Variants in CYRIB observed in about 807,000 individuals in gnomAD.
The protein encoded by CYRIB is CYFIP-related Rac1 interactor B.
A neutral mutation model predicts 44.2 loss-of-function variants in CYRIB; 8 were observed. That is an observed-to-expected ratio of 0.18 (90% CI 0.11 to 0.33). The LOEUF is 0.33. Among genes scored for constraint, CYRIB ranks in the 10% least tolerant of loss-of-function variants. CYRIB has a pLI of 1.00. For missense variants in CYRIB, 185 were observed against 382.8 expected (o/e 0.48, Z 4.31); for synonymous variants, 131 against 127.2 (o/e 1.03, Z -0.20).
At chr8:129,984,153 C>T (rs2096364802) in intron 1 of CYRIB, among the ~76,000 whole-genome samples, 1 of 152,228 alleles carries the variant, frequency 6.6e-6, no homozygotes, top group African/African-American at 2.4e-5. Context: ...CTATTTAGGG[C>T]TGTGGCAAGA....
chr8:129,941,299 G>A (rs2093681353), upstream of CYRIB, among the ~76,000 whole-genome samples: 1 of 123,790 alleles, frequency 8.1e-6, no homozygotes, highest in African/African-American at 3.1e-5. Context: ...TTTTGGTGAT[G>A]GAGTCTCGCT....
chr8:129,870,223 G>A (rs1158498297), intron 4 of CYRIB, among the ~76,000 whole-genome samples: 2 of 152,080 alleles, frequency 1.3e-5, no homozygotes, highest in Non-Finnish European at 2.9e-5. Flanking sequence ...AGGAGTTCAA[G>A]ACCAGCCTCG....
chr8:130,010,816 G>C (rs1302697246), intron 1 of CYRIB, among the ~76,000 whole-genome samples: 1 of 152,188 alleles, frequency 6.6e-6, no homozygotes, highest in Non-Finnish European at 1.5e-5. Context: ...GAGAGGGTCA[G>C]GTTGGATGAT....
chr8:129,895,252 AC>A (rs768646434), intron 2 of CYRIB, among the ~76,000 whole-genome samples: 132 of 145,306 alleles, frequency 9.1e-4, no homozygotes, highest in South Asian at 1.7e-3. Context: ...ATCCTCCCCC[AC>A]CCTGGCCTCC....
intron 1 of CYRIB, among the ~76,000 whole-genome samples, chr8:129,973,433 G>T (rs1456680835): frequency 1.3e-5 from 2 of 152,232 alleles, no homozygotes; most frequent in African/African-American, 4.8e-5. Flanking sequence ...GCTTGCCAGG[G>T]TTACCCGCCT....
At chr8:130,016,857 T>C (rs377748786), upstream of CYRIB, among the ~76,000 whole-genome samples, 9 of 152,038 alleles carry the variant, frequency 5.9e-5, no homozygotes, top group Admixed American at 5.9e-4. Flanking sequence ...GCGCTGCGAT[T>C]GGGGGTCATC....
At chr8:129,909,949 G>A (rs2077130652) in intron 1 of CYRIB, among the ~76,000 whole-genome samples, 1 of 152,224 alleles carries the variant, frequency 6.6e-6, no homozygotes, top group African/African-American at 2.4e-5. Context: ...GAGACTACCA[G>A]ATCAGTTTCT....
chr8:129,913,204 C>A (rs1190695143), intron 1 of CYRIB, among the ~76,000 whole-genome samples: 1 of 152,102 alleles, frequency 6.6e-6, no homozygotes, highest in East Asian at 1.9e-4. Flanking sequence ...AACTTCTGAC[C>A]TCATGATCCA....
At chr8:129,909,410 TTC>T (rs1423628097) in intron 1 of CYRIB, among the ~76,000 whole-genome samples, 1 of 152,186 alleles carries the variant, frequency 6.6e-6, no homozygotes, top group African/African-American at 2.4e-5. Flanking sequence ...CTCTTCTAAT[TTC>T]TTTTATGTAT....
At chr8:129,924,156 T>C (rs2085742865) in intron 1 of CYRIB, among the ~76,000 whole-genome samples, 1 of 148,984 alleles carries the variant, frequency 6.7e-6, no homozygotes, top group Admixed American at 6.7e-5. Flanking sequence ...ACATGTCTGC[T>C]GTCCCAGCTA....
intron 2 of CYRIB, among the ~76,000 whole-genome samples, chr8:129,945,932 A>C (rs1445403645): frequency 6.6e-6 from 1 of 152,218 alleles, no homozygotes; most frequent in Admixed American, 6.5e-5. Flanking sequence ...TAAATCTGCC[A>C]GAGTGAACTA....
chr8:129,903,060 C>T (rs2073166072), intron 2 of CYRIB: 1 of 152,324 alleles, frequency 6.6e-6, no homozygotes, highest in South Asian at 2.1e-4. Context: ...TGACTTAATT[C>T]AAAGGAAAAC....
intron 1 of CYRIB, among the ~76,000 whole-genome samples, chr8:129,918,628 T>C (rs898473191): frequency 6.6e-6 from 1 of 152,226 alleles, no homozygotes; most frequent in Admixed American, 6.5e-5. Flanking sequence ...CAGCACATCA[T>C]ATCACTCATC....
At chr8:129,905,132 C>T (rs1013309930) in intron 1 of CYRIB, among the ~76,000 whole-genome samples, 3 of 152,168 alleles carry the variant, frequency 2.0e-5, no homozygotes, top group African/African-American at 4.8e-5. Flanking sequence ...CAGAACCTCA[C>T]GTTGTCTACA....
At chr8:129,878,887 T>G (rs2059989912) in intron 3 of CYRIB, among the ~76,000 whole-genome samples, 1 of 152,178 alleles carries the variant, frequency 6.6e-6, no homozygotes, top group Admixed American at 6.6e-5. Flanking sequence ...TCTGCAAAGA[T>G]TAAATAATTT....
chr8:130,007,627 A>C (rs1161631162), intron 1 of CYRIB, among the ~76,000 whole-genome samples: 1 of 151,624 alleles, frequency 6.6e-6, no homozygotes, highest in Non-Finnish European at 1.5e-5. Flanking sequence ...GCTACTAAAA[A>C]TACAACATTA....
chr8:129,934,015 T>C (rs1343899087), intron 1 of CYRIB, among the ~76,000 whole-genome samples: 2 of 152,150 alleles, frequency 1.3e-5, no homozygotes, highest in Non-Finnish European at 2.9e-5. Context: ...AAAAGTGTAC[T>C]AGTACCTTTG....
At chr8:129,931,997 CTT>C (rs1235113746) in intron 1 of CYRIB, among the ~76,000 whole-genome samples, 23 of 129,396 alleles carry the variant, frequency 1.8e-4, no homozygotes, top group Non-Finnish European at 1.0e-4. Context: ...TAAGTATCTT[CTT>C]TTTTTTTTTT....
chr8:129,867,325 A>C (rs1191563877), intron 4 of CYRIB, among the ~76,000 whole-genome samples: 3 of 144,254 alleles, frequency 2.1e-5, no homozygotes, highest in Non-Finnish European at 4.5e-5. Context: ...CGGTTTTACT[A>C]TGTTAATCAG....
Sources: gnomAD v4.1 joint callset for allele counts (sites outside exome capture counted in the v4.1 genomes callset) on GRCh38, gnomAD v4.1.1 for gene constraint, MANE v1.5 for transcripts, NCBI Gene and HGNC (gene_info 2026-07-23, HGNC 2026-07-21) for gene names.